ASAP1: variants seen among roughly 807,000 people sequenced by gnomAD.
The protein encoded by ASAP1 is arf-GAP with SH3 domain, ANK repeat and PH domain-containing protein 1.
A neutral mutation model predicts 145.2 loss-of-function variants in ASAP1; 43 were observed. The observed-to-expected ratio is 0.30, with a 90% confidence interval of 0.23 to 0.38. The LOEUF (loss-of-function observed/expected upper bound fraction) is 0.38. ASAP1 is among the 10% of genes least tolerant of loss of function. The probability of loss-of-function intolerance (pLI) is 1.00; values close to 1 mark genes in which losing one functional copy is unlikely to be tolerated. For missense variants in ASAP1, 1,018 were observed against 1,355.3 expected (o/e 0.75, Z 3.91); for synonymous variants, 546 against 515.5 (o/e 1.06, Z -0.80).
At chr8:130,210,842 TTAAAAA>T (rs1483269463) in intron 5 of ASAP1, among the ~76,000 whole-genome samples, 1 of 152,214 alleles carries the variant, frequency 6.6e-6, no homozygotes, top group Admixed American at 6.5e-5. Flanking sequence ...CTGAGTTACC[TTAAAAA>T]TAAAATGAGA....
At chr8:130,338,121 A>G (rs1825151256) in intron 3 of ASAP1, among the ~76,000 whole-genome samples, 1 of 152,200 alleles carries the variant, frequency 6.6e-6, no homozygotes, top group South Asian at 2.1e-4. Flanking sequence ...GATGCTTTAC[A>G]TGCATTCGTT....
intron 24 of ASAP1, among the ~76,000 whole-genome samples, chr8:130,105,207 A>C (rs1002754212): frequency 1.3e-5 from 2 of 152,240 alleles, no homozygotes; most frequent in Non-Finnish European, 2.9e-5. Context: ...AATAAAAAAT[A>C]ACAATCCAAC....
intron 17 of ASAP1, 122 bp downstream of exon 17, chr8:130,125,834 T>C (rs2097574145): frequency 1.9e-6 from 2 of 1,029,424 alleles, no homozygotes; most frequent in Admixed American, 2.8e-5. Flanking sequence ...CTACGCAAAC[T>C]CACAAAATTC....
intron 1 of ASAP1, among the ~76,000 whole-genome samples, chr8:130,415,509 C>A (rs1263713562): frequency 6.6e-6 from 1 of 152,016 alleles, no homozygotes; most frequent in African/African-American, 2.4e-5. Context: ...ACAAAACAGC[C>A]AGGTGTGGTG....
At chr8:130,242,771 T>C (rs1229225850) in intron 3 of ASAP1, among the ~76,000 whole-genome samples, 1 of 152,166 alleles carries the variant, frequency 6.6e-6, no homozygotes, top group Admixed American at 6.5e-5. Context: ...AGTAGAGTTG[T>C]GGATAAAGGT....
chr8:130,343,054 A>C (rs1039216198), intron 3 of ASAP1, among the ~76,000 whole-genome samples: 2 of 152,190 alleles, frequency 1.3e-5, no homozygotes, highest in Non-Finnish European at 2.9e-5. Context: ...GGGAGGTTAA[A>C]ATGTTCAGGC....
At chr8:130,166,589 T>C (rs2097680271) in intron 11 of ASAP1, among the ~76,000 whole-genome samples, 1 of 152,022 alleles carries the variant, frequency 6.6e-6, no homozygotes, top group East Asian at 1.9e-4. Context: ...TTCCAATGTA[T>C]CTCTAATAGT....
chr8:130,159,908 T>A lies in ASAP1; in HGVS notation c.966A>T (p.Glu322Asp). ...YSMHQLQGNK[E>D]YGSEKKGYLL... The stretch of plus-strand genomic sequence containing the variant: ...GGTACCCCTTCTTTTCACTGCCATA[T>A]TCCTTATTGCCCTGGAGCTGATGCA... The change falls in exon 12 of 30, where the codon GAA (glutamate) becomes GAT (aspartate). Residue 322 changes from glutamate to aspartate, a missense_variant. Coordinates refer to ENST00000518721, the MANE Select transcript of ASAP1 (RefSeq NM_018482.4). 1 of 1,614,186 alleles carries A rather than the reference T, an allele frequency of 6.2e-7. No homozygotes were observed. The highest frequency in any genetic ancestry group is 8.5e-7 in the Non-Finnish European group (1 of 1,180,020).
intron 12 of ASAP1, among the ~76,000 whole-genome samples, chr8:130,158,435 T>C (rs893242585): frequency 8.6e-5 from 13 of 151,836 alleles, no homozygotes; most frequent in African/African-American, 2.9e-4. Context: ...GAATCGCTTG[T>C]GCCCAGGAAT....
chr8:130,254,276 A>G (rs1360687525), intron 3 of ASAP1, among the ~76,000 whole-genome samples: 2 of 152,192 alleles, frequency 1.3e-5, no homozygotes, highest in Non-Finnish European at 1.5e-5. Context: ...TTATTTAATT[A>G]ATAAATTCAG....
At chr8:130,072,754 G>A (rs1039162901) in intron 27 of ASAP1, among the ~76,000 whole-genome samples, 26 of 147,298 alleles carry the variant, frequency 1.8e-4, no homozygotes, top group Non-Finnish European at 3.1e-4. Context: ...CTTGTAGCCA[G>A]TCAGTCAGAA....
intron 5 of ASAP1, among the ~76,000 whole-genome samples, chr8:130,188,678 G>A (rs1269957393): frequency 9.8e-6 from 1 of 101,678 alleles, no homozygotes; most frequent in Admixed American, 1.1e-4. Context: ...AGGTTGCAGT[G>A]AGCCGAGATC....
intron 4 of ASAP1, 67 bp downstream of exon 4, chr8:130,236,855 A>G (rs1291413515): frequency 5.9e-6 from 7 of 1,193,072 alleles, no homozygotes; most frequent in Non-Finnish European, 8.2e-6. Flanking sequence ...ACATCTTTTA[A>G]ATAACTAACA....
At position 130,112,274 on chromosome 8, in the gene ASAP1, G is replaced by A; in HGVS notation, c.2221C>T (p.His741Tyr). 1 of 1,614,206 alleles carries A rather than the reference G, an allele frequency of 6.2e-7. No homozygotes were observed. Among genetic ancestry groups the A allele is most frequent in the African/African-American group, 1.3e-5 (1 of 75,044 alleles). ...TCCTGGGGGGAGATGCTGGAGGAGT[G>A]GCAGAAGCTCTGAGGTCTGGGTGAG... ...ERSPRPQSFC[H>Y]SSSISPQDKL... is the part of the protein sequence containing the mutation. Residue 741 changes from histidine (H) to tyrosine (Y), a missense_variant, in exon 24 of 30, where the codon CAC becomes TAC. Transcript: ENST00000518721.
At chr8:130,257,988 T>C (rs184295863) in intron 3 of ASAP1, among the ~76,000 whole-genome samples, 1 of 152,314 alleles carries the variant, frequency 6.6e-6, no homozygotes, top group Admixed American at 6.5e-5. Context: ...AATTTGTGTA[T>C]TAGTGTACAA....
intron 1 of ASAP1, among the ~76,000 whole-genome samples, chr8:130,436,364 G>C (rs1830312762): frequency 6.6e-6 from 1 of 152,124 alleles, no homozygotes; most frequent in Non-Finnish European, 1.5e-5. Flanking sequence ...GCACAATCTT[G>C]GTTCACTGCA....
intron 3 of ASAP1, among the ~76,000 whole-genome samples, chr8:130,319,934 T>C (rs1823896429): frequency 6.6e-6 from 1 of 152,308 alleles, no homozygotes; most frequent in East Asian, 1.9e-4. Flanking sequence ...ATACAATTAT[T>C]TACATGTTCT....
chr8:130,441,432 C>A (rs1830484853), intron 1 of ASAP1, among the ~76,000 whole-genome samples: 1 of 152,160 alleles, frequency 6.6e-6, no homozygotes, highest in African/African-American at 2.4e-5. Context: ...CTTCCGGAGC[C>A]CATGCCAGAT....
intron 26 of ASAP1, among the ~76,000 whole-genome samples, chr8:130,076,706 A>G (rs898716340): frequency 2.0e-5 from 3 of 152,086 alleles, no homozygotes; most frequent in African/African-American, 4.8e-5. Flanking sequence ...TTTTTAGTAG[A>G]AATGGGGTTT....
Sources: gnomAD v4.1 joint callset for allele counts (sites outside exome capture counted in the v4.1 genomes callset) on GRCh38, gnomAD v4.1.1 for gene constraint, MANE v1.5 for transcripts, NCBI Gene and HGNC (gene_info 2026-07-23, HGNC 2026-07-21) for gene names.